ST8SIA6: variants seen among roughly 807,000 people sequenced by gnomAD.
ST8SIA6 encodes the protein ST8 alpha-N-acetyl-neuraminide alpha-2,8-sialyltransferase 6.
In ST8SIA6, 39 loss-of-function variants were observed where a neutral mutation model predicts 33.6. The ratio of observed to expected loss-of-function variants is 1.16; its 90% CI spans 0.90 to 1.52. The LOEUF (loss-of-function observed/expected upper bound fraction) is 1.52. Ranked by LOEUF, ST8SIA6 falls within the 40% of genes most tolerant of loss-of-function variation. The pLI is 0.00. For missense variants in ST8SIA6, 441 were observed against 443.8 expected (o/e 0.99, Z 0.06); for synonymous variants, 172 against 167.2 (o/e 1.03, Z -0.22).
At chr10:17,402,168 A>G (rs1253508536) in intron 2 of ST8SIA6, among the ~76,000 whole-genome samples, 1 of 152,246 alleles carries the variant, frequency 6.6e-6, no homozygotes, top group Non-Finnish European at 1.5e-5. Context: ...GCCAACAGAC[A>G]CATGAAAAAA....
intron 3 of ST8SIA6, among the ~76,000 whole-genome samples, chr10:17,375,331 T>G (rs17136476): frequency 0.18 from 27,500 of 152,138 alleles, 2,632 homozygotes; most frequent in South Asian, 0.22. Flanking sequence ...TTAGCAGGCT[T>G]TCAAGTGATA....
chr10:17,451,132 GT>G (rs1219837358), intron 2 of ST8SIA6, among the ~76,000 whole-genome samples: 1 of 140,546 alleles, frequency 7.1e-6, no homozygotes, highest in African/African-American at 2.5e-5. Context: ...TGAATTAAAT[GT>G]AAAGTGCTTA....
At chr10:17,391,521 C>T (rs1850613372) in intron 2 of ST8SIA6, among the ~76,000 whole-genome samples, 2 of 152,146 alleles carry the variant, frequency 1.3e-5, no homozygotes, top group Admixed American at 1.3e-4. Context: ...CTGGGCCTCC[C>T]AAAGTGCTGG....
At chr10:17,422,664 T>TA (rs1048742235) in intron 2 of ST8SIA6, among the ~76,000 whole-genome samples, 2 of 152,170 alleles carry the variant, frequency 1.3e-5, no homozygotes, top group African/African-American at 4.8e-5. Flanking sequence ...AAACGGACTG[T>TA]AAAAAAACTA....
chr10:17,329,086 A>C (rs1848221294), intron 5 of ST8SIA6, among the ~76,000 whole-genome samples: 1 of 152,184 alleles, frequency 6.6e-6, no homozygotes, highest in South Asian at 2.1e-4. Context: ...TCTGCCCCTA[A>C]TGCTGGCTCT....
In ST8SIA6 at chr10:17,321,238, G is replaced by A; in HGVS notation, c.837C>T (p.Thr279=). The A allele has an allele frequency of 1.9e-6, 3 of 1,613,966 alleles. No individual in the cohort carries two copies. The highest frequency in any genetic ancestry group is 2.2e-5 in the South Asian group (2 of 91,076). The change falls in exon 8 of 8, where the codon ACC becomes ACT. Residue 279 remains threonine (T), a synonymous_variant. Transcript: ENST00000377602. ...PAFSFRANTG[T]SFKVYYTLEE... is the part of the protein sequence containing the mutation. ...CGAGCGTGTAGTATACTTTGAAAGA[G>A]GTACCCGTGTTGGCCCTGAAGGAAA... is the stretch of plus-strand genomic sequence containing the variant.
At chr10:17,363,187 C>G (rs1456887662) in intron 3 of ST8SIA6, among the ~76,000 whole-genome samples, 1 of 152,166 alleles carries the variant, frequency 6.6e-6, no homozygotes, top group Non-Finnish European at 1.5e-5. Context: ...TTCAATGTAT[C>G]TATCGCTTGA....
At chr10:17,431,463 A>G (rs1417635389) in intron 2 of ST8SIA6, among the ~76,000 whole-genome samples, 3 of 151,814 alleles carry the variant, frequency 2.0e-5, no homozygotes, top group Non-Finnish European at 4.4e-5. Flanking sequence ...AAGGGGGGGG[A>G]AAGGGTGTGA....
At chr10:17,422,703 GTCT>G (rs1035288034) in intron 2 of ST8SIA6, among the ~76,000 whole-genome samples, 5 of 152,148 alleles carry the variant, frequency 3.3e-5, no homozygotes, top group Non-Finnish European at 5.9e-5. Context: ...GCAACAATTT[GTCT>G]TCTTCTACTT....
In ST8SIA6 at chr10:17,360,912, GGA is replaced by G. The variant is rs1564421607; in HGVS notation, c.291-1314_291-1313del. Among the ~76,000 whole-genome samples, 191 of 98,340 alleles carry G rather than the reference GGA, an allele frequency of 1.9e-3. 3 individuals carry two copies. The East Asian group carries it at 0.081, about 42-fold the overall frequency. The allele number at this position is 98,340 out of a possible 152,430, so 64.5% of individuals were successfully genotyped here. On this transcript the variant is annotated intron_variant, in intron 3 of 7. Coordinates refer to ENST00000377602, the MANE Select transcript of ST8SIA6 (RefSeq NM_001004470.3). ...AAGAAGATGACGAAGAAGAAGAAGA[GGA>G]AGAAGGGAAGAAGAAGAGGAAAAGG...
Position 17,322,177 on chromosome 10 carries a change from A to G in ST8SIA6, c.729-831T>C, listed in dbSNP as rs1847975750. On this transcript the variant is annotated intron_variant, in intron 7 of 7. Transcript: ENST00000377602. ...GAAGAAAGAGAGAAAGACGGAAGAA[A>G]GAAGGAGAGAAAGAGAGACAGAAAG... Among the ~76,000 whole-genome samples the G allele has an allele frequency of 2.0e-5, 3 of 151,496 alleles. No individual in the cohort carries two copies. The South Asian group carries it at 6.3e-4, about 32-fold the overall frequency.
chr10:17,424,393 C>T (rs1462008287), intron 2 of ST8SIA6, among the ~76,000 whole-genome samples: 2 of 152,250 alleles, frequency 1.3e-5, no homozygotes, highest in Non-Finnish European at 2.9e-5. Context: ...TGTGAGCCAC[C>T]GTTCCTGGCC....
chr10:17,325,878 C>G (rs1306055395), intron 6 of ST8SIA6, among the ~76,000 whole-genome samples: 1 of 152,044 alleles, frequency 6.6e-6, no homozygotes. Flanking sequence ...TAAATCAAAA[C>G]TTATTGTATT....
At position 17,331,436 on chromosome 10, in the gene ST8SIA6, T is replaced by C. The variant is rs1376435442; in HGVS notation, c.494A>G (p.Lys165Arg). The C allele has an allele frequency of 1.9e-6, 3 of 1,613,654 alleles. No individual in the cohort carries two copies. The highest frequency in any genetic ancestry group is 3.3e-5 in the Admixed American group (2 of 59,976). Residue 165 changes from lysine to arginine, a missense_variant, in exon 5 of 8, where the codon AAG (lysine) becomes AGG (arginine). By Grantham distance (26) the Lys-to-Arg change is conservative (BLOSUM62 2). Coordinates refer to ENST00000377602, the MANE Select transcript of ST8SIA6 (RefSeq NM_001004470.3). ...TGGAAACATATGAAAAATGTTCTTC[T>C]TAATTGGGATTTCTTTTTTGCTTTC... Reference protein sequence around the residue: ...EVESKKEIPIKKNIFHMFPVS... With the variant: ...EVESKKEIPIRKNIFHMFPVS...
rs1847902074 is a variant in ST8SIA6, at chr10:17,320,289, C to G, written c.*589G>C. 6.6e-6 allele frequency: 1 copy of G among 152,254 alleles called. No homozygotes were observed. Among genetic ancestry groups the G allele is most frequent in the Non-Finnish European group, 1.5e-5 (1 of 68,150 alleles). 9.4% of individuals were successfully genotyped at this position (152,254 alleles called of 1,614,324 possible). ...GGAAAATAAATGGCTTAAATTCAAC[C>G]AAAATATCATCACAGCTACTATTAA... On this transcript the variant is annotated 3_prime_UTR_variant, in exon 8 of 8. Transcript: ENST00000377602.
In ST8SIA6 at chr10:17,368,407, C is replaced by CAAAAAAAAAAAAAAAAAA. The variant is rs200826980; in HGVS notation, c.291-8825_291-8808dup. ...GGGCAACAAGAGTGAAGCTCTGTCT[C>CAAAAAAAAAAAAAAAAAA]AAAAAAAAAAAAAAAAAAAAAAAAA... is the stretch of plus-strand genomic sequence containing the variant. On this transcript the variant is annotated intron_variant, in intron 3 of 7. Coordinates refer to ENST00000377602, the MANE Select transcript of ST8SIA6 (RefSeq NM_001004470.3). Among the ~76,000 whole-genome samples, 44 of 72,178 alleles carry CAAAAAAAAAAAAAAAAAA rather than the reference C, an allele frequency of 6.1e-4. 1 individual carries two copies. The highest frequency in any genetic ancestry group is 9.9e-4 in the Admixed American group (5 of 5,068). 47.4% of individuals were successfully genotyped at this position (72,178 alleles called of 152,430 possible).
At chr10:17,357,423 A>T (rs1849236522) in intron 4 of ST8SIA6, among the ~76,000 whole-genome samples, 1 of 151,774 alleles carries the variant, frequency 6.6e-6, no homozygotes. Context: ...GGCGTGAGCC[A>T]TACGCCCAGC....
chr10:17,338,594 T>C (rs1848577043), intron 4 of ST8SIA6, among the ~76,000 whole-genome samples: 1 of 152,174 alleles, frequency 6.6e-6, no homozygotes, highest in African/African-American at 2.4e-5. Flanking sequence ...CTACCTAGAC[T>C]CAATTCAAAG....
intron 2 of ST8SIA6, among the ~76,000 whole-genome samples, chr10:17,395,956 T>C (rs538046925): frequency 2.8e-4 from 43 of 152,190 alleles, no homozygotes; most frequent in Non-Finnish European, 5.0e-4. Context: ...AACTATACAG[T>C]TGAGAGCGCC....
Sources: allele counts gnomAD v4.1 joint callset (sites outside exome capture counted in the v4.1 genomes callset), GRCh38; gene constraint gnomAD v4.1.1; transcripts MANE v1.5; gene names NCBI Gene and HGNC (gene_info 2026-07-23, HGNC 2026-07-21).